NFASC: variants seen among roughly 807,000 people sequenced by gnomAD.
NFASC encodes the protein neurofascin.
In NFASC, 43 loss-of-function variants were observed where a neutral mutation model predicts 147.5. The ratio of observed to expected loss-of-function variants is 0.29; its 90% CI spans 0.23 to 0.38. NFASC has a LOEUF of 0.38. NFASC is among the 10% of genes least tolerant of loss of function. The pLI, the probability that NFASC is intolerant of heterozygous loss-of-function variation, is 1.00. For missense variants in NFASC, 1,320 were observed against 1,689.0 expected (o/e 0.78, Z 3.83); for synonymous variants, 622 against 665.5 (o/e 0.93, Z 1.01).
intron 1 of NFASC, among the ~76,000 whole-genome samples, chr1:204,909,377 C>T (rs766903835): frequency 2.0e-5 from 3 of 152,022 alleles, no homozygotes; most frequent in South Asian, 2.1e-4. Context: ...TTTTCATGTG[C>T]GTATTTGTTG....
intron 24 of NFASC, among the ~76,000 whole-genome samples, chr1:204,994,557 C>T (rs2095806078): frequency 6.6e-6 from 1 of 152,168 alleles, no homozygotes; most frequent in Admixed American, 6.6e-5. Flanking sequence ...ATTCTGGGGC[C>T]TGGGAAATGT....
chr1:204,888,861 C>T (rs1319825281), intron 1 of NFASC, among the ~76,000 whole-genome samples: 1 of 152,188 alleles, frequency 6.6e-6, no homozygotes, highest in African/African-American at 2.4e-5. Flanking sequence ...CACAATCCAG[C>T]AGTCTGGGGA....
chr1:204,979,156 T>C lies in NFASC; in HGVS notation c.1978+87T>C. ...GGCCTTTCCTGGTTTCCAGCCCCACTTCTGCCTCGCTTGATGTGTGTCCTG... is the reference window on the plus strand; with the variant it reads ...GGCCTTTCCTGGTTTCCAGCCCCACCTCTGCCTCGCTTGATGTGTGTCCTG... On this transcript the variant is annotated intron_variant, in intron 18 of 29. Transcript: ENST00000339876. This position sits in a 1 kb window ranked among gnomAD's most constrained non-coding sequence, Gnocchi z 6.0. The C allele has an allele frequency of 8.4e-7, 1 of 1,187,372 alleles. No individual in the cohort carries two copies. The highest frequency in any genetic ancestry group is 1.2e-6 in the Non-Finnish European group (1 of 830,432). The allele number at this position is 1,187,372 out of a possible 1,614,324, so 73.6% of individuals were successfully genotyped here.
At chr1:204,982,667 T>G (rs1430792152) in intron 21 of NFASC, among the ~76,000 whole-genome samples, 2 of 152,258 alleles carry the variant, frequency 1.3e-5, no homozygotes, top group African/African-American at 4.8e-5. Flanking sequence ...TATGCCTGGC[T>G]TCCCAGACGG....
intron 1 of NFASC, among the ~76,000 whole-genome samples, chr1:204,883,627 GAAGACTGTCA>G (rs1379745609): frequency 6.6e-6 from 1 of 152,202 alleles, no homozygotes; most frequent in African/African-American, 2.4e-5. Context: ...ATTTTTCTTG[GAAGACTGTCA>G]AAGCATGCCT....
At chr1:204,898,678 G>T (rs1572694280) in intron 1 of NFASC, among the ~76,000 whole-genome samples, 1 of 152,154 alleles carries the variant, frequency 6.6e-6, no homozygotes, top group South Asian at 2.1e-4. Context: ...AGACGGGGGA[G>T]CAGAGACCCA....
intron 1 of NFASC, among the ~76,000 whole-genome samples, chr1:204,832,681 T>G (rs1014790968): frequency 6.6e-6 from 1 of 152,232 alleles, no homozygotes; most frequent in Non-Finnish European, 1.5e-5. Context: ...TCCTGAGCCT[T>G]TGAATCTGTC....
chr1:204,962,177 C>G (rs2094708759), intron 8 of NFASC: 1 of 1,607,680 alleles, frequency 6.2e-7, no homozygotes, highest in Non-Finnish European at 8.5e-7. Flanking sequence ...CAGCGGTAAC[C>G]TTGGGAGTAA....
At chr1:204,850,499 T>A (rs1289342803) in intron 1 of NFASC, among the ~76,000 whole-genome samples, 2 of 152,180 alleles carry the variant, frequency 1.3e-5, no homozygotes, top group Non-Finnish European at 2.9e-5. Context: ...CATCTCAAAT[T>A]GTGATCCCCA....
intron 2 of NFASC, among the ~76,000 whole-genome samples, chr1:204,941,990 A>AT (rs2093393115): frequency 6.6e-6 from 1 of 152,126 alleles, no homozygotes; most frequent in African/African-American, 2.4e-5. Flanking sequence ...TATTTCATCC[A>AT]TTTAATCATT....
rs149135306 is a variant in NFASC, at chr1:204,996,402, G to A, written c.2783-768G>A. On this transcript the variant is annotated intron_variant, in intron 24 of 29. Coordinates refer to ENST00000339876, the MANE Select transcript of NFASC (RefSeq NM_001005388.3). ...TCCCATGTTCTCATGTGAATAGAAA[G>A]CACCTGGGGTACCTGGACCCAAAGT... is the stretch of plus-strand genomic sequence containing the variant. 3.7e-3 allele frequency among the ~76,000 whole-genome samples: 557 copies of A among 152,264 alleles called. 1 individual carries two copies. The highest frequency in any genetic ancestry group is 0.02 in the Middle Eastern group (6 of 294).
chr1:204,944,363 C>A lies in NFASC; in HGVS notation c.48C>A (p.Leu16=). 6.2e-7 allele frequency: 1 copy of A among 1,612,930 alleles called. No individual in the cohort carries two copies. ...CCTGGGTCCATGCAGCCTTCCTCCT[C>A]TGCCTCCTCAGTCTTGGCGGAGCCA... ...PPPWVHAAFL[L]CLLSLGGAIE... The change falls in exon 3 of 30, where the codon CTC becomes CTA. Residue 16 remains leucine, a synonymous_variant. Transcript: ENST00000339876.
intron 1 of NFASC, among the ~76,000 whole-genome samples, chr1:204,876,633 C>T (rs1298300901): frequency 6.6e-6 from 1 of 152,206 alleles, no homozygotes; most frequent in African/African-American, 2.4e-5. Context: ...CCCTGGCAAC[C>T]GCCATTCTAC....
chr1:204,889,970 T>C (rs2082066358), intron 1 of NFASC, among the ~76,000 whole-genome samples: 1 of 152,148 alleles, frequency 6.6e-6, no homozygotes, highest in African/African-American at 2.4e-5. Context: ...TGCTGTTCTG[T>C]GTGTAAAAAT....
At chr1:204,870,880 G>A in intron 1 of NFASC, 1 of 1,199,220 alleles carries the variant, frequency 8.3e-7, no homozygotes, top group Non-Finnish European at 1.1e-6. Context: ...CCAGGGCAGG[G>A]CTGCTGTGTT....
At position 205,015,465 on chromosome 1, in the gene NFASC, G is replaced by A. The variant is rs549636145; in HGVS notation, c.3492-843G>A. ...AGACGCTGGCTCAGAGAGCAGCCCC[G>A]CGCCTCCTCAGGAGCACAGCAGACA... On this transcript the variant is annotated intron_variant, in intron 29 of 29. Coordinates refer to ENST00000339876, the MANE Select transcript of NFASC (RefSeq NM_001005388.3). This position sits in a 1 kb window ranked among gnomAD's most constrained non-coding sequence, Gnocchi z 4.0. Among the ~76,000 whole-genome samples, 2 of 152,296 alleles carry A rather than the reference G, an allele frequency of 1.3e-5. No homozygotes were observed. Among genetic ancestry groups the A allele is most frequent in the Admixed American group, 1.3e-4 (2 of 15,296 alleles).
chr1:204,881,263 C>A (rs2080158157), intron 1 of NFASC, among the ~76,000 whole-genome samples: 1 of 152,186 alleles, frequency 6.6e-6, no homozygotes, highest in Non-Finnish European at 1.5e-5. Context: ...GGGGTGTGTG[C>A]CCCTGAAGTA....
intron 1 of NFASC, among the ~76,000 whole-genome samples, chr1:204,844,789 C>T (rs1676460131): frequency 6.6e-6 from 1 of 152,104 alleles, no homozygotes; most frequent in Admixed American, 6.5e-5. Context: ...CAGAGCCACA[C>T]TCTCCTACAG....
intron 5 of NFASC, among the ~76,000 whole-genome samples, chr1:204,952,388 G>A (rs920638533): frequency 2.0e-5 from 3 of 152,170 alleles, no homozygotes; most frequent in Non-Finnish European, 2.9e-5. Flanking sequence ...TTTCCTCCAC[G>A]CTGTGTTCCC....
Sources: allele counts gnomAD v4.1 joint callset (sites outside exome capture counted in the v4.1 genomes callset), GRCh38; gene constraint gnomAD v4.1.1; non-coding constraint Gnocchi (gnomAD v3.1); transcripts MANE v1.5; gene names NCBI Gene and HGNC (gene_info 2026-07-23, HGNC 2026-07-21).